TTC28: variants seen among roughly 807,000 people sequenced by gnomAD.
TTC28 encodes tetratricopeptide repeat domain 28, also known as tetratricopeptide repeat protein 28.
TTC28 carries 61 observed loss-of-function variants against 198.0 expected under a neutral mutation model. That is an observed-to-expected ratio of 0.31 (90% CI 0.25 to 0.38). The LOEUF is 0.38. TTC28 is among the 10% of genes least tolerant of loss of function. The pLI, the probability that TTC28 is intolerant of heterozygous loss-of-function variation, is 1.00. For synonymous variants in TTC28, 1,171 were observed against 1,297.8 expected, an observed-to-expected ratio of 0.90 and a Z score of 2.10; for missense variants, 2,678 against 3,164.0, an observed-to-expected ratio of 0.85 and a Z score of 3.69.
chr22:28,108,014 C>T lies in TTC28; in HGVS notation c.1831G>A (p.Val611Ile). The change falls in exon 7 of 23, where the codon GTC (valine) becomes ATC (isoleucine). Residue 611 changes from valine (V) to isoleucine (I), a missense_variant. Physicochemically the swap from Val to Ile is conservative, Grantham distance 29. This residue lies in a region of TTC28 where 775 missense variants were observed against 845.9 expected (regional missense o/e 0.92). Coordinates refer to ENST00000397906, the MANE Select transcript of TTC28 (RefSeq NM_001145418.2). ...GNFHCSRGEYVQAAPYYEQYL... is the reference protein window; with the variant it reads ...GNFHCSRGEYIQAAPYYEQYL... ...TGTTCATAATAGGGGGCAGCCTGGA[C>T]ATACTCTCCCCGAGAGCAGTGGAAA... is the stretch of plus-strand genomic sequence containing the variant. The T allele has an allele frequency of 6.4e-7, 1 of 1,551,618 alleles. No individual in the cohort carries two copies. The highest frequency in any genetic ancestry group is 1.2e-5 in the South Asian group (1 of 84,046).
intron 13 of TTC28, among the ~76,000 whole-genome samples, chr22:28,019,556 C>T (rs997207437): frequency 6.6e-6 from 1 of 152,226 alleles, no homozygotes; most frequent in Non-Finnish European, 1.5e-5. Flanking sequence ...CGGCAGAATG[C>T]TCACAGCGGC....
At chr22:28,570,486 G>A (rs12169595) in intron 2 of TTC28, among the ~76,000 whole-genome samples, 15,086 of 152,116 alleles carry the variant, frequency 0.099, 853 homozygotes, top group African/African-American at 0.12. Context: ...GTATAAGTGG[G>A]AGCTAAACAC....
intron 12 of TTC28, among the ~76,000 whole-genome samples, chr22:28,032,170 A>G (rs533294779): frequency 0.01 from 970 of 96,604 alleles, 13 homozygotes; most frequent in African/African-American, 0.02. Context: ...TAGTGTGTGT[A>G]TATATATATA....
At chr22:28,501,390 C>T (rs564024578) in intron 2 of TTC28, among the ~76,000 whole-genome samples, 2 of 151,996 alleles carry the variant, frequency 1.3e-5, no homozygotes, top group African/African-American at 2.4e-5. Context: ...AATGGTATGA[C>T]GTGTGAAGGG....
intron 12 of TTC28, among the ~76,000 whole-genome samples, chr22:28,049,340 C>T (rs1001776430): frequency 3.3e-5 from 5 of 152,232 alleles, no homozygotes; most frequent in African/African-American, 7.2e-5. Flanking sequence ...AAAATAAAAT[C>T]GGCACCTTTA....
intron 11 of TTC28, among the ~76,000 whole-genome samples, chr22:28,095,490 T>C (rs1941945022): frequency 6.6e-6 from 1 of 152,154 alleles, no homozygotes; most frequent in South Asian, 2.1e-4. Flanking sequence ...TTCTTTAAGA[T>C]TACCAATTAT....
intron 2 of TTC28, among the ~76,000 whole-genome samples, chr22:28,522,130 C>A (rs577730989): frequency 6.6e-6 from 1 of 152,274 alleles, no homozygotes; most frequent in Admixed American, 6.5e-5. Flanking sequence ...AAGAGAATCA[C>A]AGGTAACTAA....
chr22:28,447,977 C>T (rs1313471323), intron 2 of TTC28, among the ~76,000 whole-genome samples: 2 of 152,170 alleles, frequency 1.3e-5, no homozygotes, highest in South Asian at 2.1e-4. Flanking sequence ...TTCTTTCTTT[C>T]GCTTACTCCA....
intron 2 of TTC28, among the ~76,000 whole-genome samples, chr22:28,364,113 C>T (rs1157514128): frequency 6.6e-6 from 1 of 152,108 alleles, no homozygotes; most frequent in South Asian, 2.1e-4. Flanking sequence ...TGTTTCCACC[C>T]AAATCTCATC....
chr22:28,149,870 A>G (rs937738426), intron 6 of TTC28, among the ~76,000 whole-genome samples: 19 of 152,304 alleles, frequency 1.2e-4, no homozygotes, highest in African/African-American at 4.3e-4. Context: ...ATATTTCAAA[A>G]TTGCTAAAAG....
chr22:28,468,598 A>C (rs1231157526), intron 2 of TTC28, among the ~76,000 whole-genome samples: 5 of 149,876 alleles, frequency 3.3e-5, no homozygotes, highest in African/African-American at 1.2e-4. Context: ...CTGTTGGCCC[A>C]CTGCAAGCTG....
At chr22:28,512,616 T>C (rs1376089983) in intron 2 of TTC28, among the ~76,000 whole-genome samples, 3 of 152,202 alleles carry the variant, frequency 2.0e-5, no homozygotes, top group African/African-American at 7.2e-5. Context: ...TAAAATAATG[T>C]CCTTTGCAGG....
At chr22:28,329,889 G>T (rs1698805630) in intron 2 of TTC28, among the ~76,000 whole-genome samples, 1 of 152,160 alleles carries the variant, frequency 6.6e-6, no homozygotes. Flanking sequence ...AGTGACGATG[G>T]TGGAGAACAA....
intron 2 of TTC28, among the ~76,000 whole-genome samples, chr22:28,582,517 T>C (rs2050247002): frequency 6.6e-6 from 1 of 152,088 alleles, no homozygotes. Flanking sequence ...AAATAGTAAA[T>C]ATAAACATTA....
chr22:28,114,514 T>C (rs1268629718), intron 6 of TTC28, among the ~76,000 whole-genome samples: 2 of 152,142 alleles, frequency 1.3e-5, no homozygotes, highest in Non-Finnish European at 2.9e-5. Context: ...AGGTGACTAT[T>C]TATTAATATG....
In TTC28 at chr22:28,182,207, C is replaced by A. The variant is rs547637421; in HGVS notation, c.934-18608G>T. Reference sequence around the variant, plus strand: ...CATAAGCATTTTCAATGACACAATTCACTACAGTTTCCTATGGAATAATTT... The same window carrying A: ...CATAAGCATTTTCAATGACACAATTAACTACAGTTTCCTATGGAATAATTT... On this transcript the variant is annotated intron_variant, in intron 5 of 22. Transcript: ENST00000397906. 3.3e-5 allele frequency among the ~76,000 whole-genome samples: 5 copies of A among 152,272 alleles called. No homozygotes were observed. The South Asian group carries it at 1.0e-3, about 32-fold the overall frequency.
chr22:28,147,351 G>A (rs192323100), intron 6 of TTC28, among the ~76,000 whole-genome samples: 6 of 152,284 alleles, frequency 3.9e-5, no homozygotes, highest in African/African-American at 9.6e-5. Flanking sequence ...GAGCAGCCAC[G>A]TTTCCACCTT....
intron 2 of TTC28, among the ~76,000 whole-genome samples, chr22:28,334,002 TC>T (rs2045661418): frequency 3.0e-5 from 2 of 66,520 alleles, no homozygotes; most frequent in African/African-American, 6.0e-5. Flanking sequence ...CCCTCCACCC[TC>T]CCCCCACCCC....
chr22:28,465,584 A>G (rs142098925), intron 2 of TTC28, among the ~76,000 whole-genome samples: 520 of 152,190 alleles, frequency 3.4e-3, no homozygotes, highest in Non-Finnish European at 5.5e-3. Flanking sequence ...AGATGGTGCC[A>G]CTGCACTCCA....
Sources: gnomAD v4.1 joint callset for allele counts (sites outside exome capture counted in the v4.1 genomes callset) on GRCh38, gnomAD v4.1.1 for gene constraint, gnomAD v4.1.1 regional missense constraint, MANE v1.5 for transcripts, NCBI Gene and HGNC (gene_info 2026-07-23, HGNC 2026-07-21) for gene names.